ARHGAP24: variants seen among roughly 807,000 people sequenced by gnomAD.
ARHGAP24 encodes Rho GTPase activating protein 24.
In ARHGAP24, 50 loss-of-function variants were observed where a neutral mutation model predicts 76.4. The ratio of observed to expected loss-of-function variants is 0.65; its 90% confidence interval spans 0.52 to 0.83. The LOEUF is 0.83. Ranked by LOEUF, ARHGAP24 falls within the 40% of genes least tolerant of loss-of-function variation. The pLI is 0.00. For missense variants in ARHGAP24, 930 were observed against 914.2 expected (o/e 1.02, Z -0.22); for synonymous variants, 345 against 323.3 (o/e 1.07, Z -0.72).
intron 3 of ARHGAP24, among the ~76,000 whole-genome samples, chr4:85,911,359 C>T (rs1249458611): frequency 6.6e-6 from 1 of 151,768 alleles, no homozygotes; most frequent in African/African-American, 2.4e-5. Context: ...CTGTCTGGAG[C>T]GGCCACTGCC....
chr4:85,705,795 A>G (rs371741672), intron 2 of ARHGAP24, among the ~76,000 whole-genome samples: 5 of 152,232 alleles, frequency 3.3e-5, no homozygotes, highest in East Asian at 1.9e-4. Flanking sequence ...TCTCTCTTCT[A>G]TGGCTTCTCA....
chr4:85,825,706 AT>A (rs1469596594), intron 3 of ARHGAP24, among the ~76,000 whole-genome samples: 1 of 152,238 alleles, frequency 6.6e-6, no homozygotes, highest in Non-Finnish European at 1.5e-5. Context: ...CAATGAATTC[AT>A]TGTTAAAAAA....
At chr4:85,939,784 G>A (rs925135454) in intron 4 of ARHGAP24, among the ~76,000 whole-genome samples, 2 of 151,950 alleles carry the variant, frequency 1.3e-5, no homozygotes, top group Non-Finnish European at 2.9e-5. Context: ...TTGGAAGTTT[G>A]GTTCATGTTT....
chr4:85,502,730 G>T (rs1723872375), intron 1 of ARHGAP24, among the ~76,000 whole-genome samples: 1 of 152,028 alleles, frequency 6.6e-6, no homozygotes, highest in South Asian at 2.1e-4. Context: ...TTGCTTGATT[G>T]CCCTGGCCAG....
intron 3 of ARHGAP24, chr4:85,827,796 C>A: frequency 1.5e-6 from 1 of 670,636 alleles, no homozygotes; most frequent in Non-Finnish European, 2.2e-6. Flanking sequence ...GGGAGCGAGC[C>A]GTGGTTTCCA....
intron 2 of ARHGAP24, among the ~76,000 whole-genome samples, chr4:85,626,062 C>G (rs1720942666): frequency 6.6e-6 from 1 of 152,202 alleles, no homozygotes. Flanking sequence ...AACATTTAGT[C>G]CATTTACATT....
At chr4:85,619,889 TC>T (rs992480676) in intron 2 of ARHGAP24, among the ~76,000 whole-genome samples, 7 of 152,100 alleles carry the variant, frequency 4.6e-5, no homozygotes, top group African/African-American at 1.4e-4. Context: ...TTATTTTTTT[TC>T]AAATGCCTTA....
At chr4:85,512,107 C>T (rs1281510139) in intron 1 of ARHGAP24, among the ~76,000 whole-genome samples, 1 of 152,168 alleles carries the variant, frequency 6.6e-6, no homozygotes, top group Non-Finnish European at 1.5e-5. Flanking sequence ...TAGTGGGGGT[C>T]AGGACTTCAA....
chr4:85,974,824 G>A (rs758073504), intron 6 of ARHGAP24, 64 bp from the exon 7 acceptor site: 122 of 1,500,948 alleles, frequency 8.1e-5, no homozygotes, highest in Non-Finnish European at 1.0e-4. Flanking sequence ...TGGCCATTTC[G>A]ACTTGCTTTA....
chr4:85,700,608 T>C (rs1004501803), intron 2 of ARHGAP24, among the ~76,000 whole-genome samples: 6 of 151,896 alleles, frequency 4.0e-5, no homozygotes, highest in African/African-American at 1.2e-4. Context: ...GGGGAGGTGG[T>C]GGTTAAAGAG....
At chr4:85,753,622 G>A (rs985767111) in intron 3 of ARHGAP24, among the ~76,000 whole-genome samples, 1 of 152,172 alleles carries the variant, frequency 6.6e-6, no homozygotes, top group Non-Finnish European at 1.5e-5. Flanking sequence ...CTGGTTAATG[G>A]CTTCCTCAAA....
At chr4:85,859,731 G>A (rs1731782209) in intron 3 of ARHGAP24, among the ~76,000 whole-genome samples, 1 of 152,088 alleles carries the variant, frequency 6.6e-6, no homozygotes, top group Non-Finnish European at 1.5e-5. Context: ...CCATCTGGCT[G>A]TAGTCTGGAA....
At chr4:85,972,358 A>C (rs1038461617) in intron 6 of ARHGAP24, 190 bp downstream of exon 6, 37 of 687,632 alleles carry the variant, frequency 5.4e-5, no homozygotes, top group Middle Eastern at 8.3e-4. Context: ...CTCTGATCAA[A>C]AAAAAAGAAT....
At chr4:85,833,549 A>G (rs549409057) in intron 3 of ARHGAP24, among the ~76,000 whole-genome samples, 5 of 152,320 alleles carry the variant, frequency 3.3e-5, no homozygotes, top group Admixed American at 2.6e-4. Flanking sequence ...CAGGCTGTTT[A>G]GAGCATGTGC....
intron 4 of ARHGAP24, among the ~76,000 whole-genome samples, chr4:85,928,938 G>A (rs1736167526): frequency 6.6e-6 from 1 of 152,182 alleles, no homozygotes. Flanking sequence ...GGCAGACAGA[G>A]GTTAATTAAG....
intron 3 of ARHGAP24, among the ~76,000 whole-genome samples, chr4:85,805,443 A>C (rs1445612366): frequency 6.6e-6 from 1 of 152,178 alleles, no homozygotes; most frequent in African/African-American, 2.4e-5. Context: ...CAAATCTGCC[A>C]TTAACAAACA....
At chr4:85,983,507 A>G (rs1198082199) in intron 8 of ARHGAP24, among the ~76,000 whole-genome samples, 1 of 152,164 alleles carries the variant, frequency 6.6e-6, no homozygotes, top group Admixed American at 6.6e-5. Flanking sequence ...AACTTAAACA[A>G]ATTTACAAGA....
intron 2 of ARHGAP24, among the ~76,000 whole-genome samples, chr4:85,653,554 A>G (rs1401855062): frequency 1.3e-5 from 2 of 152,096 alleles, no homozygotes; most frequent in African/African-American, 4.8e-5. Flanking sequence ...GCTGTCTGCA[A>G]TCTCTGCCTC....
At chr4:85,661,902 T>G (rs1041258513) in intron 2 of ARHGAP24, among the ~76,000 whole-genome samples, 54 of 152,156 alleles carry the variant, frequency 3.5e-4, no homozygotes, top group African/African-American at 1.3e-3. Flanking sequence ...CACATTTTCT[T>G]AATCCAGTCT....
Sources: gnomAD v4.1 joint callset for allele counts (sites outside exome capture counted in the v4.1 genomes callset) on GRCh38, gnomAD v4.1.1 for gene constraint, MANE v1.5 for transcripts, NCBI Gene and HGNC (gene_info 2026-07-23, HGNC 2026-07-21) for gene names.